The following AFG2A variants were observed in gnomAD, a reference collection of about 807,000 sequenced individuals.
The protein encoded by AFG2A is AAA ATPase AFG2A.
chr4:123,230,064 A>G, the AFG2A span, among the ~76,000 whole-genome samples: 1 of 151,984 alleles, frequency 6.6e-6, no homozygotes, highest in Non-Finnish European at 1.5e-5. Flanking sequence ...TTGCCTCCAT[A>G]AAGATGACTG....
chr4:123,064,283 T>C, the AFG2A span, among the ~76,000 whole-genome samples: 1 of 152,068 alleles, frequency 6.6e-6, no homozygotes, highest in Non-Finnish European at 1.5e-5. Context: ...CTTTGGAAAA[T>C]GGATAATATG....
chr4:123,220,970 C>T, the AFG2A span, among the ~76,000 whole-genome samples: 7 of 152,164 alleles, frequency 4.6e-5, no homozygotes, highest in Non-Finnish European at 1.0e-4. Context: ...TAGTGTCTTA[C>T]ATCAACTATG....
At chr4:123,265,998 C>T in the AFG2A span, among the ~76,000 whole-genome samples, 1 of 152,038 alleles carries the variant, frequency 6.6e-6, no homozygotes, top group African/African-American at 2.4e-5. Context: ...GTTCTGTTAA[C>T]CTGAGAGGAG....
chr4:123,072,318 T>C, the AFG2A span, among the ~76,000 whole-genome samples: 1 of 152,298 alleles, frequency 6.6e-6, no homozygotes, highest in Admixed American at 6.5e-5. Context: ...CAATGAACAA[T>C]AGATAATCTT....
chr4:122,987,119 A>G, the AFG2A span, among the ~76,000 whole-genome samples: 1 of 152,102 alleles, frequency 6.6e-6, no homozygotes, highest in East Asian at 1.9e-4. Flanking sequence ...TTTGTCTAAT[A>G]TAAGTATAGC....
At chr4:122,947,385 T>G in the AFG2A span, 1 of 1,613,960 alleles carries the variant, frequency 6.2e-7, no homozygotes, top group Non-Finnish European at 8.5e-7. Flanking sequence ...AGAAACTGCT[T>G]CGAAGGGTAC....
chr4:123,228,447 A>C, the AFG2A span, among the ~76,000 whole-genome samples: 1 of 151,978 alleles, frequency 6.6e-6, no homozygotes. Context: ...GATAAGATAC[A>C]GATTAATAAG....
chr4:123,229,862 A>G, the AFG2A span, among the ~76,000 whole-genome samples: 1 of 151,982 alleles, frequency 6.6e-6, no homozygotes, highest in Non-Finnish European at 1.5e-5. Context: ...AATCATTTAT[A>G]TGCATACTTT....
chr4:122,990,840 C>T, the AFG2A span, among the ~76,000 whole-genome samples: 1 of 152,266 alleles, frequency 6.6e-6, no homozygotes, highest in Non-Finnish European at 1.5e-5. Flanking sequence ...CCTCCTGCCT[C>T]AGCCTCCCAA....
chr4:123,145,180 A>G, the AFG2A span, among the ~76,000 whole-genome samples: 1 of 151,934 alleles, frequency 6.6e-6, no homozygotes, highest in African/African-American at 2.4e-5. Flanking sequence ...TACCATTTCT[A>G]TTACTCATTT....
At chr4:122,953,881 A>T in the AFG2A span, among the ~76,000 whole-genome samples, 8 of 152,198 alleles carry the variant, frequency 5.3e-5, no homozygotes, top group Non-Finnish European at 1.5e-5. Flanking sequence ...CACCTGAGAC[A>T]CTGGCTGTCC....
the AFG2A span, among the ~76,000 whole-genome samples, chr4:123,097,361 T>TAAA: frequency 6.8e-6 from 1 of 147,236 alleles, no homozygotes; most frequent in Non-Finnish European, 1.5e-5. Context: ...AAGTCAGAAC[T>TAAA]AAAAAAAAAA....
At chr4:123,258,725 A>G in the AFG2A span, among the ~76,000 whole-genome samples, 2 of 152,138 alleles carry the variant, frequency 1.3e-5, no homozygotes, top group Admixed American at 6.5e-5. Context: ...GAATTTGGGC[A>G]GGAAAGCCAG....
the AFG2A span, among the ~76,000 whole-genome samples, chr4:122,927,150 C>T: frequency 1.3e-5 from 2 of 152,110 alleles, no homozygotes; most frequent in African/African-American, 2.4e-5. Context: ...ATAAGGAAGA[C>T]GACTTCTGTT....
the AFG2A span, among the ~76,000 whole-genome samples, chr4:123,121,697 A>C: frequency 6.6e-6 from 1 of 152,202 alleles, no homozygotes; most frequent in South Asian, 2.1e-4. Context: ...GGTTTGTGTA[A>C]GTACACTCTG....
the AFG2A span, among the ~76,000 whole-genome samples, chr4:123,146,104 T>TA: frequency 6.6e-6 from 1 of 152,106 alleles, no homozygotes; most frequent in African/African-American, 2.4e-5. Flanking sequence ...AAGAGGCCAC[T>TA]AAATAGGAAA....
the AFG2A span, among the ~76,000 whole-genome samples, chr4:123,123,545 A>C: frequency 6.6e-6 from 1 of 152,168 alleles, no homozygotes; most frequent in Admixed American, 6.5e-5. Context: ...TTACCTCAAA[A>C]TATCTGGTAT....
the AFG2A span, among the ~76,000 whole-genome samples, chr4:123,214,096 T>C: frequency 8.4e-3 from 1,285 of 152,266 alleles, 22 homozygotes; most frequent in African/African-American, 0.029. Flanking sequence ...GTAATTAGCA[T>C]ACAATAGCTT....
chr4:123,245,000 G>T, the AFG2A span, among the ~76,000 whole-genome samples: 2 of 152,208 alleles, frequency 1.3e-5, no homozygotes, highest in Non-Finnish European at 2.9e-5. Context: ...AGAAGAAAAT[G>T]ACAGTTTCTT....
Sources: allele counts gnomAD v4.1 joint callset (sites outside exome capture counted in the v4.1 genomes callset), GRCh38; gene constraint gnomAD v4.1.1; transcripts MANE v1.5; gene names NCBI Gene and HGNC (gene_info 2026-07-23, HGNC 2026-07-21).